SSBP2: variants seen among roughly 807,000 people sequenced by gnomAD.
The protein encoded by SSBP2 is single stranded DNA binding protein 2, also known as single-stranded DNA-binding protein 2.
SSBP2 carries 17 observed loss-of-function variants against 61.8 expected under a neutral mutation model. The ratio of observed to expected loss-of-function variants is 0.28; its 90% CI spans 0.19 to 0.41. The LOEUF (loss-of-function observed/expected upper bound fraction) is 0.41, where lower values mean the gene tolerates loss of function less well. Ranked by LOEUF, SSBP2 falls within the 10% of genes least tolerant of loss-of-function variation. The pLI, the probability that SSBP2 is intolerant of heterozygous loss-of-function variation, is 1.00. For synonymous variants in SSBP2, 139 were observed against 141.3 expected, an observed-to-expected ratio of 0.98 and a Z score of 0.12; for missense variants, 310 against 458.7, an observed-to-expected ratio of 0.68 and a Z score of 2.96.
intron 15 of SSBP2, among the ~76,000 whole-genome samples, chr5:81,432,203 G>T (rs1762332541): frequency 6.6e-6 from 1 of 152,028 alleles, no homozygotes. Context: ...ACTCAGGTCA[G>T]CACACATGAG....
At chr5:81,687,452 GC>G (rs1752902339) in intron 1 of SSBP2, among the ~76,000 whole-genome samples, 1 of 152,200 alleles carries the variant, frequency 6.6e-6, no homozygotes, top group Non-Finnish European at 1.5e-5. Flanking sequence ...AAGTCCTGAT[GC>G]TGTGCTGGAC....
At chr5:81,516,669 C>T (rs902153127) in intron 4 of SSBP2, among the ~76,000 whole-genome samples, 7 of 152,050 alleles carry the variant, frequency 4.6e-5, no homozygotes, top group Admixed American at 6.6e-5. Flanking sequence ...TGATAATAAA[C>T]GCTATAGAGG....
At chr5:81,699,818 C>T (rs1753846133) in intron 1 of SSBP2, among the ~76,000 whole-genome samples, 6 of 151,252 alleles carry the variant, frequency 4.0e-5, no homozygotes, top group Admixed American at 3.9e-4. Flanking sequence ...ACAGAGGAAT[C>T]ACTATTTATG....
chr5:81,516,450 G>C (rs1178075045), intron 4 of SSBP2, among the ~76,000 whole-genome samples: 1 of 152,072 alleles, frequency 6.6e-6, no homozygotes, highest in African/African-American at 2.4e-5. Context: ...GAAGTGTGCT[G>C]AATGCTGGTA....
At chr5:81,633,088 C>A (rs962899043) in intron 3 of SSBP2, among the ~76,000 whole-genome samples, 1 of 147,472 alleles carries the variant, frequency 6.8e-6, no homozygotes, top group African/African-American at 2.5e-5. Flanking sequence ...TTCCTCCTAC[C>A]TTTTTAGCTG....
At chr5:81,556,622 T>C (rs1772627734) in intron 4 of SSBP2, among the ~76,000 whole-genome samples, 1 of 152,142 alleles carries the variant, frequency 6.6e-6, no homozygotes, top group South Asian at 2.1e-4. Flanking sequence ...ACTTTTACTA[T>C]GGATCCTATT....
intron 1 of SSBP2, among the ~76,000 whole-genome samples, chr5:81,656,176 G>A (rs901362103): frequency 1.4e-4 from 22 of 151,898 alleles, no homozygotes; most frequent in African/African-American, 5.1e-4. Flanking sequence ...CTCAGCCTCC[G>A]GAGTAGCTGG....
At chr5:81,594,591 A>AAT in intron 4 of SSBP2, among the ~76,000 whole-genome samples, 1 of 152,368 alleles carries the variant, frequency 6.6e-6, no homozygotes, top group African/African-American at 2.4e-5. Context: ...CATAGTTGGA[A>AAT]GTAAAGCACT....
Position 81,414,560 on chromosome 5 carries a change from A to G in SSBP2, c.*5944T>C, listed in dbSNP as rs1482885119. 1 of 152,228 alleles carries G rather than the reference A, an allele frequency of 6.6e-6. No individual in the cohort carries two copies. The highest frequency in any genetic ancestry group is 1.5e-5 in the Non-Finnish European group (1 of 68,028). The allele number at this position is 152,228 out of a possible 1,614,324, so 9.4% of individuals were successfully genotyped here. On this transcript the variant is annotated 3_prime_UTR_variant, in exon 17 of 17. Transcript: ENST00000320672. ...TGTGTGAAATAAGTTAATAATGCCAATTCAGTTTCTTGTAAACAAATGTCT... is the reference window on the plus strand; with the variant it reads ...TGTGTGAAATAAGTTAATAATGCCAGTTCAGTTTCTTGTAAACAAATGTCT...
chr5:81,572,372 C>A (rs1039150417), intron 4 of SSBP2, among the ~76,000 whole-genome samples: 1 of 152,094 alleles, frequency 6.6e-6, no homozygotes, highest in African/African-American at 2.4e-5. Context: ...GAATACAATT[C>A]TCTTATAAGA....
chr5:81,513,851 A>G (rs983529115), intron 4 of SSBP2, 134 bp from the exon 5 acceptor site: 124 of 569,536 alleles, frequency 2.2e-4, no homozygotes, highest in Non-Finnish European at 6.6e-5. Flanking sequence ...TCCCCATCCT[A>G]GAAGTAAACT....
intron 16 of SSBP2, among the ~76,000 whole-genome samples, chr5:81,421,001 T>C (rs573211216): frequency 1.3e-5 from 2 of 152,212 alleles, no homozygotes; most frequent in South Asian, 4.2e-4. Flanking sequence ...AGATGAGATA[T>C]AAAATCCTTA....
chr5:81,560,238 C>T (rs1443629929), intron 4 of SSBP2, among the ~76,000 whole-genome samples: 3 of 152,124 alleles, frequency 2.0e-5, no homozygotes, highest in Non-Finnish European at 2.9e-5. Context: ...GTTCAAATTT[C>T]AAGAGTATAG....
chr5:81,639,713 ATATGC>A (rs1452493704), intron 2 of SSBP2, among the ~76,000 whole-genome samples: 2 of 152,146 alleles, frequency 1.3e-5, no homozygotes, highest in African/African-American at 4.8e-5. Flanking sequence ...AATCAGTAAA[ATATGC>A]CCAGAGGCCC....
intron 15 of SSBP2, among the ~76,000 whole-genome samples, chr5:81,436,296 T>C (rs995463463): frequency 6.6e-6 from 1 of 152,028 alleles, no homozygotes; most frequent in Non-Finnish European, 1.5e-5. Flanking sequence ...ATAGGCAATT[T>C]TGTTTTGAAA....
intron 4 of SSBP2, among the ~76,000 whole-genome samples, chr5:81,557,243 CTT>C (rs1468025191): frequency 6.6e-6 from 1 of 152,126 alleles, no homozygotes; most frequent in Non-Finnish European, 1.5e-5. Flanking sequence ...CATAATGTGA[CTT>C]TTCTACAGGC....
chr5:81,469,412 C>G (rs928039087), intron 8 of SSBP2, among the ~76,000 whole-genome samples: 1 of 151,688 alleles, frequency 6.6e-6, no homozygotes, highest in Non-Finnish European at 1.5e-5. Context: ...AATAAGAAAC[C>G]AACTTAAATG....
At chr5:81,652,319 T>C (rs1033833021) in intron 1 of SSBP2, among the ~76,000 whole-genome samples, 17 of 152,190 alleles carry the variant, frequency 1.1e-4, no homozygotes, top group Admixed American at 3.3e-4. Flanking sequence ...CTAAGTTTTC[T>C]TTAGTACCTA....
In SSBP2 at chr5:81,483,692, A is replaced by C. The variant is rs187082492; in HGVS notation, c.432+5558T>G. Among the ~76,000 whole-genome samples, 14 of 152,130 alleles carry C rather than the reference A, an allele frequency of 9.2e-5. No homozygotes were observed. The East Asian group carries it at 2.5e-3, about 27-fold the overall frequency. On this transcript the variant is annotated intron_variant, in intron 6 of 16. Transcript: ENST00000320672. ...ATTCCTCTAAAACGACAATATCAAC[A>C]CAGAAGATATTAAATTAAGTGTAGG...
Sources: gnomAD v4.1 joint callset for allele counts (sites outside exome capture counted in the v4.1 genomes callset) on GRCh38, gnomAD v4.1.1 for gene constraint, MANE v1.5 for transcripts, NCBI Gene and HGNC (gene_info 2026-07-23, HGNC 2026-07-21) for gene names.